The following ZNF544 variants were observed in gnomAD, a reference collection of about 807,000 sequenced individuals.
ZNF544 encodes zinc finger protein AF020591.
In ZNF544, 10 loss-of-function variants were observed where a neutral mutation model predicts 13.5. That is an observed-to-expected ratio of 0.74 (90% CI 0.46 to 1.25). The LOEUF is 1.25. ZNF544 is among the 50% of genes most tolerant of loss of function. The pLI is 0.00. For missense variants in ZNF544, 896 were observed against 845.6 expected (o/e 1.06, Z -0.74); for synonymous variants, 323 against 300.5 (o/e 1.07, Z -0.77).
intron 5 of ZNF544, among the ~76,000 whole-genome samples, chr19:58,275,783 C>CAAAAAAAAAAAAAAAAA (rs57148438): frequency 4.5e-5 from 3 of 66,232 alleles, no homozygotes; most frequent in African/African-American, 1.8e-4. Flanking sequence ...GACCCTGTCT[C>CAAAAAAAAAAAAAAAAA]AAAAAAAAAA....
At position 58,262,478 on chromosome 19, in the gene ZNF544, A is replaced by G. The variant is rs746007937; in HGVS notation, c.1872A>G (p.Gln624=). The change falls in exon 7 of 7, where the codon CAA becomes CAG. Residue 624 remains glutamine (Q), a synonymous_variant. Coordinates refer to ENST00000687789, the MANE Select transcript of ZNF544 (RefSeq NM_014480.4). ...GCACTCAGCTCATCAGGCATCTGCA[A>G]ATTCACACTGGGGAGAAGCCGTACA... ...NRSTQLIRHL[Q]IHTGEKPYKC... 2 of 1,614,188 alleles carry G rather than the reference A, an allele frequency of 1.2e-6. No homozygotes were observed. Among genetic ancestry groups the G allele is most frequent in the East Asian group, 2.2e-5 (1 of 44,882 alleles).
chr19:58,246,307 G>A lies in ZNF544; in HGVS notation c.40G>A (p.Val14Met). ...AACAAGTGCCCTGTTTCAGGCATCT[G>A]TGTGCTTCGAGGATGTGGCTATGGC... ...RSMLVPPQAS[V>M]CFEDVAMAFT... Residue 14 changes from valine to methionine, a missense_variant, in exon 5 of 7, where the codon GTG (valine) becomes ATG (methionine). Coordinates refer to ENST00000687789, the MANE Select transcript of ZNF544 (RefSeq NM_014480.4). The A allele has an allele frequency of 6.2e-7, 1 of 1,614,014 alleles. No homozygotes were observed. The highest frequency in any genetic ancestry group is 8.5e-7 in the Non-Finnish European group (1 of 1,179,930).
At chr19:58,251,142 T>C (rs2046234023) in intron 6 of ZNF544, among the ~76,000 whole-genome samples, 1 of 152,218 alleles carries the variant, frequency 6.6e-6, no homozygotes, top group South Asian at 2.1e-4. Context: ...TTAAAACACT[T>C]TGCTTAATTA....
intron 6 of ZNF544, among the ~76,000 whole-genome samples, chr19:58,255,649 C>T (rs899482720): frequency 2.6e-5 from 4 of 152,292 alleles, no homozygotes; most frequent in African/African-American, 9.6e-5. Flanking sequence ...AAGTCAAATG[C>T]ATGAGATACA....
chr19:58,261,191 A>G lies in ZNF544; in HGVS notation c.585A>G (p.Lys195=). The G allele has an allele frequency of 2.5e-6, 4 of 1,614,170 alleles. No individual in the cohort carries two copies. The highest frequency in any genetic ancestry group is 2.5e-6 in the Non-Finnish European group (3 of 1,180,040). The change falls in exon 7 of 7, where the codon AAA becomes AAG. Residue 195 remains lysine, a synonymous_variant. Transcript: ENST00000687789. ...CCAACTCACAAGTTAAAGAGTTGAA[A>G]CAAAATTCAGCTTTCATTAATCATG... ...PKPNSQVKEL[K]QNSAFINHEK... is the part of the protein sequence containing the mutation.
At position 58,241,187 on chromosome 19, in the gene ZNF544, T is replaced by TAATATATATATATATATA. The variant is rs1425417671; in HGVS notation, c.-59-2778_-59-2777insAATATATATATATATATA. On this transcript the variant is annotated intron_variant, in intron 3 of 6. Transcript: ENST00000687789. ...AATATATATATATATATATTTTTTT[T>TAATATATATATATATATA]TTTTTGTAGAGATAGGGTCTCACTG... Among the ~76,000 whole-genome samples the TAATATATATATATATATA allele has an allele frequency of 1.2e-4, 6 of 50,676 alleles. No individual in the cohort carries two copies. The East Asian group carries it at 1.5e-3, about 13-fold the overall frequency. The allele number at this position is 50,676 out of a possible 152,430, so 33.2% of individuals were successfully genotyped here.
intron 6 of ZNF544, among the ~76,000 whole-genome samples, chr19:58,248,393 T>C (rs1023006236): frequency 1.5e-4 from 22 of 150,470 alleles, no homozygotes; most frequent in African/African-American, 5.4e-4. Flanking sequence ...CCACCATGCC[T>C]GGCTAATGTA....
chr19:58,261,777 C>T lies in ZNF544; in HGVS notation c.1171C>T (p.Gln391Ter), dbSNP rs1555768513. Residue 391 changes from glutamine to a stop codon, truncating the protein, a stop_gained, in exon 7 of 7, where the codon CAG becomes TAG. Coordinates refer to ENST00000687789, the MANE Select transcript of ZNF544 (RefSeq NM_014480.4). LOFTEE classifies it low-confidence loss of function (END_TRUNC). ...ECTQCGKSFSQSYDLVIHQRT... is the reference protein window; with the variant it reads ...ECTQCGKSFS ...TACTCAGTGTGGGAAATCTTTTAGC[C>T]AGAGCTATGACCTTGTCATACATCA... is the stretch of plus-strand genomic sequence containing the variant. The T allele has an allele frequency of 1.9e-6, 3 of 1,614,076 alleles. No individual in the cohort carries two copies. The highest frequency in any genetic ancestry group is 2.5e-6 in the Non-Finnish European group (3 of 1,180,018).
At chr19:58,234,399 G>A (rs571945225) in intron 3 of ZNF544, among the ~76,000 whole-genome samples, 4 of 152,284 alleles carry the variant, frequency 2.6e-5, no homozygotes, top group African/African-American at 9.6e-5. Flanking sequence ...GTTGTTGCCT[G>A]TTTGCTCATG....
chr19:58,233,269 A>G (rs935978203), intron 3 of ZNF544, among the ~76,000 whole-genome samples: 1 of 152,128 alleles, frequency 6.6e-6, no homozygotes, highest in African/African-American at 2.4e-5. Context: ...TCAAGAGGAG[A>G]TATAGGTGGG....
intron 3 of ZNF544, among the ~76,000 whole-genome samples, chr19:58,236,523 A>G (rs964982490): frequency 5.9e-5 from 9 of 151,698 alleles, no homozygotes; most frequent in South Asian, 4.2e-4. Flanking sequence ...AAAAAGAAAG[A>G]AAACAGAAAC....
chr19:58,266,270 ACACTTTG>A (rs2049879778), downstream of ZNF544, among the ~76,000 whole-genome samples: 1 of 147,918 alleles, frequency 6.8e-6, no homozygotes, highest in African/African-American at 2.5e-5. Flanking sequence ...TGTGATCCCG[ACACTTTG>A]GGAGGCCAAG....
intron 3 of ZNF544, among the ~76,000 whole-genome samples, chr19:58,235,799 G>A (rs2146578536): frequency 6.6e-6 from 1 of 152,288 alleles, no homozygotes; most frequent in South Asian, 2.1e-4. Flanking sequence ...GATGGCTCAT[G>A]CCTGTAATCT....
chr19:58,237,995 C>T (rs888810221), intron 3 of ZNF544, among the ~76,000 whole-genome samples: 2 of 152,166 alleles, frequency 1.3e-5, no homozygotes, highest in Non-Finnish European at 2.9e-5. Flanking sequence ...TGCAATGGCA[C>T]GATCTCAGCT....
At chr19:58,268,317 AAAT>A (rs1435413778), downstream of ZNF544, among the ~76,000 whole-genome samples, 4 of 152,172 alleles carry the variant, frequency 2.6e-5, no homozygotes, top group African/African-American at 4.8e-5. Flanking sequence ...AAATAAATAA[AAAT>A]AAAAAATAAG....
At chr19:58,276,299 T>C in intron 5 of ZNF544, 1 of 1,201,360 alleles carries the variant, frequency 8.3e-7, no homozygotes, top group Non-Finnish European at 1.0e-6. Context: ...CAATAGATCC[T>C]CCTAGTACCT....
rs770825941 is a variant in ZNF544 at position 58,246,825 on chromosome 19, A to G, written c.244+31A>G. Reference sequence around the variant, plus strand: ...AGCAGACCTTGTGGTGAGCAGCTCAACGTTTAACAAGCTTGGACAGAGAGC... The same window carrying G: ...AGCAGACCTTGTGGTGAGCAGCTCAGCGTTTAACAAGCTTGGACAGAGAGC... On this transcript the variant is annotated intron_variant, in intron 6 of 6. Coordinates refer to ENST00000687789, the MANE Select transcript of ZNF544 (RefSeq NM_014480.4). 14 of 1,604,510 alleles carry G rather than the reference A, an allele frequency of 8.7e-6. 1 individual carries two copies. The highest frequency in any genetic ancestry group is 2.2e-5 in the South Asian group (2 of 90,762).
intron 3 of ZNF544, among the ~76,000 whole-genome samples, chr19:58,238,253 G>T (rs2042847262): frequency 2.0e-5 from 3 of 152,126 alleles, no homozygotes; most frequent in Non-Finnish European, 4.4e-5. Context: ...TCTGGGAAGG[G>T]ATATCTGGAG....
chr19:58,246,091 G>A (rs1319945902), intron 4 of ZNF544, among the ~76,000 whole-genome samples: 2 of 152,180 alleles, frequency 1.3e-5, no homozygotes, highest in Non-Finnish European at 2.9e-5. Flanking sequence ...GTCCTCATAT[G>A]GTAGAAGGTG....
Sources: gnomAD v4.1 joint callset for allele counts (sites outside exome capture counted in the v4.1 genomes callset) on GRCh38, gnomAD v4.1.1 for gene constraint, MANE v1.5 for transcripts, NCBI Gene and HGNC (gene_info 2026-07-23, HGNC 2026-07-21) for gene names.